The following MCPH1 variants were observed in gnomAD, a reference collection of about 807,000 sequenced individuals.
The protein encoded by MCPH1 is microcephalin.
Under a neutral mutation model 84.5 loss-of-function variants are expected in MCPH1, and 104 were observed. That is an observed-to-expected ratio of 1.23 (90% CI 1.05 to 1.45). The LOEUF is 1.45. Among genes scored for constraint, MCPH1 ranks in the 40% most tolerant of loss-of-function variants. The pLI is 0.00. For synonymous variants in MCPH1, 514 were observed against 366.8 expected (o/e 1.40, Z -4.58); for missense variants, 1,498 against 1,005.7 (o/e 1.49, Z -6.62).
At chr8:6,585,204 G>C (rs981389151) in intron 12 of MCPH1, among the ~76,000 whole-genome samples, 3 of 152,258 alleles carry the variant, frequency 2.0e-5, no homozygotes, top group Admixed American at 6.5e-5. Context: ...AGTTCTCCCA[G>C]TGGGTACTCC....
At chr8:6,635,317 A>C (rs1044084190) in intron 13 of MCPH1, 2 of 152,448 alleles carry the variant, frequency 1.3e-5, no homozygotes, top group East Asian at 3.9e-4. Flanking sequence ...GCACCCGTGG[A>C]CAGCGTGGAG....
intron 12 of MCPH1, among the ~76,000 whole-genome samples, chr8:6,609,819 G>GCCCCCCCCCCCCCCCCC (rs11280683): frequency 6.7e-5 from 7 of 104,104 alleles, no homozygotes; most frequent in Non-Finnish European, 1.1e-4. Context: ...AATGCCCCCC[G>GCCCCCCCCCCCCCCCCC]CCCCCCCCCC....
chr8:6,446,947 T>A, intron 8 of MCPH1: 3 of 985,350 alleles, frequency 3.0e-6, no homozygotes, highest in Non-Finnish European at 3.6e-6. Context: ...ACTAGTTGAC[T>A]CAAGGCACCC....
At chr8:6,409,232 A>G (rs368759751) in intron 1 of MCPH1, 47 bp from the exon 2 acceptor site, 1 of 1,455,230 alleles carries the variant, frequency 6.9e-7, no homozygotes, top group East Asian at 2.3e-5. Context: ...TGGGCAGGGG[A>G]TGCTGGAATT....
chr8:6,433,873 C>G (rs1008831728), intron 4 of MCPH1, among the ~76,000 whole-genome samples: 1 of 152,036 alleles, frequency 6.6e-6, no homozygotes, highest in Non-Finnish European at 1.5e-5. Flanking sequence ...TCTGTCTCCC[C>G]CCTCACCCTG....
rs187993666 is a variant in MCPH1, at chr8:6,603,615, G to A, written c.2215-17839G>A. Among the ~76,000 whole-genome samples, 127 of 152,300 alleles carry A rather than the reference G, an allele frequency of 8.3e-4. 1 individual carries two copies. The highest frequency in any genetic ancestry group is 1.4e-3 in the Non-Finnish European group (94 of 68,024). Reference sequence around the variant, plus strand: ...AGGTACTAGCAAGGAAGTATGGGATGGGAATCTGGGGATGGAAGTACCTTC... The same window carrying A: ...AGGTACTAGCAAGGAAGTATGGGATAGGAATCTGGGGATGGAAGTACCTTC... On this transcript the variant is annotated intron_variant, in intron 12 of 13. Coordinates refer to ENST00000344683, the MANE Select transcript of MCPH1 (RefSeq NM_024596.5).
intron 3 of MCPH1, among the ~76,000 whole-genome samples, chr8:6,417,869 G>A (rs987319114): frequency 6.6e-6 from 1 of 152,116 alleles, no homozygotes; most frequent in Non-Finnish European, 1.5e-5. Context: ...ATTTGAGGTT[G>A]TATTTTGCAC....
intron 12 of MCPH1, among the ~76,000 whole-genome samples, chr8:6,576,984 C>T (rs781416533): frequency 6.6e-6 from 1 of 152,194 alleles, no homozygotes; most frequent in Non-Finnish European, 1.5e-5. Flanking sequence ...CTGCGGAATT[C>T]CTTCTCCCTG....
intron 12 of MCPH1, among the ~76,000 whole-genome samples, chr8:6,571,132 G>T (rs1446426979): frequency 6.6e-6 from 1 of 152,078 alleles, no homozygotes; most frequent in Non-Finnish European, 1.5e-5. Context: ...AAAAATGCCA[G>T]AAGGTCAAGA....
intron 13 of MCPH1, among the ~76,000 whole-genome samples, chr8:6,639,411 A>C (rs1797778486): frequency 6.6e-6 from 1 of 152,194 alleles, no homozygotes; most frequent in African/African-American, 2.4e-5. Flanking sequence ...TGTATAATCT[A>C]ACACTTTGGG....
chr8:6,489,286 C>T (rs1472287530), intron 11 of MCPH1, among the ~76,000 whole-genome samples: 1 of 151,704 alleles, frequency 6.6e-6, no homozygotes, highest in Non-Finnish European at 1.5e-5. Flanking sequence ...GATCTCTGGG[C>T]TGTGCCCCTA....
intron 12 of MCPH1, chr8:6,620,225 C>T (rs1416351059): frequency 6.6e-6 from 1 of 152,178 alleles, no homozygotes; most frequent in African/African-American, 2.4e-5. Flanking sequence ...ATTTATTATG[C>T]TATAAAATTC....
intron 11 of MCPH1, among the ~76,000 whole-genome samples, chr8:6,481,901 A>G (rs1809293413): frequency 6.6e-6 from 1 of 152,178 alleles, no homozygotes; most frequent in Non-Finnish European, 1.5e-5. Flanking sequence ...ATGGTCTGAA[A>G]ATATTAAATG....
intron 12 of MCPH1, among the ~76,000 whole-genome samples, chr8:6,619,770 G>C (rs977872903): frequency 2.8e-4 from 43 of 152,236 alleles, no homozygotes; most frequent in African/African-American, 9.4e-4. Flanking sequence ...ATTTTTAGTA[G>C]AGACAGGGTT....
intron 12 of MCPH1, among the ~76,000 whole-genome samples, chr8:6,568,371 C>T (rs1212004731): frequency 6.6e-6 from 1 of 152,170 alleles, no homozygotes; most frequent in Non-Finnish European, 1.5e-5. Context: ...GCAATCCGTG[C>T]AGCTCTCATA....
rs781384842 is a variant in MCPH1 at position 6,645,010 on chromosome 8, C to T, written c.*1961C>T. ...ACAATGAGTCATTCCTGAGTTCACT[C>T]GCTTCACATTACATATGTTTCTCTA... On this transcript the variant is annotated 3_prime_UTR_variant, in exon 14 of 14. Coordinates refer to ENST00000344683, the MANE Select transcript of MCPH1 (RefSeq NM_024596.5). 11 of 152,250 alleles carry T rather than the reference C, an allele frequency of 7.2e-5. No homozygotes were observed. Among genetic ancestry groups the T allele is most frequent in the Admixed American group, 7.2e-4 (11 of 15,286 alleles). 9.4% of individuals were successfully genotyped at this position (152,250 alleles called of 1,614,324 possible). A position where few individuals can be genotyped will look rare whatever the true frequency, so the allele number is the denominator to read the frequency against.
At chr8:6,608,538 A>G (rs1440827937) in intron 12 of MCPH1, among the ~76,000 whole-genome samples, 2 of 152,152 alleles carry the variant, frequency 1.3e-5, no homozygotes, top group Non-Finnish European at 1.5e-5. Context: ...CTCACTTGCT[A>G]AGTGCTCACT....
At chr8:6,608,547 C>G (rs187790832) in intron 12 of MCPH1, among the ~76,000 whole-genome samples, 1 of 152,302 alleles carries the variant, frequency 6.6e-6, no homozygotes, top group East Asian at 1.9e-4. Flanking sequence ...TAAGTGCTCA[C>G]TGACAGATGT....
intron 12 of MCPH1, among the ~76,000 whole-genome samples, chr8:6,516,681 T>C (rs1816333714): frequency 6.6e-6 from 1 of 152,230 alleles, no homozygotes; most frequent in African/African-American, 2.4e-5. Flanking sequence ...CATGTACATA[T>C]ATTGAAGTTA....
Sources: gnomAD v4.1 joint callset for allele counts (sites outside exome capture counted in the v4.1 genomes callset) on GRCh38, gnomAD v4.1.1 for gene constraint, MANE v1.5 for transcripts, NCBI Gene and HGNC (gene_info 2026-07-23, HGNC 2026-07-21) for gene names.